The following NEO1 variants were observed in gnomAD, a reference collection of about 807,000 sequenced individuals.
NEO1 encodes neogenin 1, also known as neogenin.
NEO1 carries 63 observed loss-of-function variants against 159.7 expected under a neutral mutation model. The ratio of observed to expected loss-of-function variants is 0.39; its 90% CI spans 0.32 to 0.49. The LOEUF (loss-of-function observed/expected upper bound fraction) is 0.49, where lower values mean the gene tolerates loss of function less well. Ranked by LOEUF, NEO1 falls within the 20% of genes least tolerant of loss-of-function variation. The pLI, the probability that NEO1 is intolerant of heterozygous loss-of-function variation, is 0.85. For missense variants in NEO1, 1,615 were observed against 1,831.0 expected (o/e 0.88, Z 2.15); for synonymous variants, 633 against 662.0 (o/e 0.96, Z 0.67).
chr15:73,055,740 C>T lies in NEO1; in HGVS notation c.130+2935C>T, dbSNP rs182487595. ...TTCTCTAAACATGAACAAACCAGTT[C>T]CTGGCCCCTGTGTCTCATGTTGTTG... On this transcript the variant is annotated intron_variant, in intron 1 of 28. Transcript: ENST00000261908. 5.7e-3 allele frequency among the ~76,000 whole-genome samples: 873 copies of T among 152,260 alleles called. 3 individuals are homozygous for T. The highest frequency in any genetic ancestry group is 5.7e-3 in the Non-Finnish European group (390 of 68,010).
At chr15:73,167,131 G>T (rs187302199) in intron 5 of NEO1, among the ~76,000 whole-genome samples, 132 of 125,370 alleles carry the variant, frequency 1.1e-3, no homozygotes, top group Non-Finnish European at 1.7e-3. Context: ...GTCATGGGGT[G>T]GGGGGAGGGG....
At chr15:73,139,086 A>G (rs879814190) in intron 5 of NEO1, among the ~76,000 whole-genome samples, 16 of 152,212 alleles carry the variant, frequency 1.1e-4, no homozygotes, top group Non-Finnish European at 1.9e-4. Context: ...GGTCCTGGAA[A>G]AACTGGATAG....
rs769328115 is a variant in NEO1 at position 73,266,417 on chromosome 15, G to A, written c.2494+6G>A. On this transcript the variant is annotated splice_donor_region_variant and intron_variant, in intron 16 of 28. Transcript: ENST00000261908. ...TGTGACCAGGCCTCACACAGGTAAG[G>A]TATCCTATCTTTCCTAGTCTCCAGC... 3 of 1,600,422 alleles carry A rather than the reference G, an allele frequency of 1.9e-6. No individual in the cohort carries two copies. The highest frequency in any genetic ancestry group is 1.7e-5 in the Admixed American group (1 of 58,604).
chr15:73,179,477 G>T (rs1156473662), intron 7 of NEO1, among the ~76,000 whole-genome samples: 1 of 152,206 alleles, frequency 6.6e-6, no homozygotes, highest in East Asian at 1.9e-4. Context: ...GAGGCATTCT[G>T]CTACAAAACC....
intron 5 of NEO1, among the ~76,000 whole-genome samples, chr15:73,166,645 G>A (rs2034588152): frequency 6.6e-6 from 1 of 152,200 alleles, no homozygotes; most frequent in Admixed American, 6.5e-5. Flanking sequence ...TTTACAGGTT[G>A]TAGGTAGATT....
chr15:73,102,195 A>G (rs2151515184), intron 1 of NEO1, among the ~76,000 whole-genome samples: 2 of 152,072 alleles, frequency 1.3e-5, no homozygotes, highest in East Asian at 3.9e-4. Flanking sequence ...GTGAAACCCC[A>G]TCTCTACTAA....
intron 7 of NEO1, among the ~76,000 whole-genome samples, chr15:73,228,283 C>G (rs892134760): frequency 3.3e-5 from 5 of 152,160 alleles, no homozygotes; most frequent in African/African-American, 1.2e-4. Flanking sequence ...CTTCTGCCAC[C>G]AGAGTAGTTA....
At chr15:73,191,544 CAG>C (rs1385368511) in intron 7 of NEO1, among the ~76,000 whole-genome samples, 5 of 136,276 alleles carry the variant, frequency 3.7e-5, no homozygotes, top group East Asian at 2.1e-4. Context: ...CATAGAAAGA[CAG>C]AGTATCGATG....
chr15:73,152,753 G>A (rs1178539099), intron 5 of NEO1, among the ~76,000 whole-genome samples: 3 of 152,074 alleles, frequency 2.0e-5, no homozygotes, highest in African/African-American at 7.2e-5. Context: ...TGTTGGAATT[G>A]AATTGGAGAA....
intron 4 of NEO1, 63 bp from the exon 5 acceptor site, chr15:73,135,828 T>G (rs1212964701): frequency 1.9e-5 from 27 of 1,386,234 alleles, no homozygotes; most frequent in Non-Finnish European, 2.3e-5. Flanking sequence ...TGTGGAGAGT[T>G]TTTCAGGTAT....
intron 14 of NEO1, among the ~76,000 whole-genome samples, chr15:73,259,397 TCA>T (rs2150984137): frequency 9.6e-6 from 1 of 103,656 alleles, no homozygotes; most frequent in East Asian, 4.4e-4. Context: ...AAAAGGGATC[TCA>T]CACTGTCACC....
chr15:73,223,980 G>T (rs562986209), intron 7 of NEO1, among the ~76,000 whole-genome samples: 2 of 152,132 alleles, frequency 1.3e-5, no homozygotes, highest in East Asian at 1.9e-4. Flanking sequence ...TAGCGGTCTC[G>T]TAGAGGTGGC....
intron 21 of NEO1, among the ~76,000 whole-genome samples, chr15:73,275,654 C>CA (rs959136020): frequency 4.7e-5 from 7 of 149,088 alleles, no homozygotes; most frequent in Non-Finnish European, 8.9e-5. Flanking sequence ...GACCCTGTCT[C>CA]AAAAAAAAAG....
At chr15:73,224,733 G>A (rs2038479990) in intron 7 of NEO1, among the ~76,000 whole-genome samples, 1 of 151,868 alleles carries the variant, frequency 6.6e-6, no homozygotes, top group Admixed American at 6.6e-5. Context: ...GGATTTCCTT[G>A]CATTGAGCTT....
At chr15:73,271,778 G>A (rs1447634811) in intron 18 of NEO1, among the ~76,000 whole-genome samples, 13 of 151,776 alleles carry the variant, frequency 8.6e-5, no homozygotes, top group Non-Finnish European at 1.6e-4. Context: ...GTGGTGGTGC[G>A]CACCTGTAAT....
At chr15:73,263,303 C>G (rs1395372241) in intron 15 of NEO1, among the ~76,000 whole-genome samples, 2 of 151,424 alleles carry the variant, frequency 1.3e-5, no homozygotes, top group Non-Finnish European at 2.9e-5. Context: ...AAATGATTCT[C>G]CTGCCTCAAC....
chr15:73,087,097 C>A (rs886608843), intron 1 of NEO1, among the ~76,000 whole-genome samples: 6 of 152,050 alleles, frequency 3.9e-5, no homozygotes, highest in Non-Finnish European at 7.4e-5. Context: ...AGGGAGAAAG[C>A]ACTCTGTCTT....
At chr15:73,120,492 A>G (rs1295637091) in intron 2 of NEO1, among the ~76,000 whole-genome samples, 1 of 151,888 alleles carries the variant, frequency 6.6e-6, no homozygotes, top group Admixed American at 6.6e-5. Context: ...AAAACCTGTA[A>G]TCATTTCTCA....
intron 5 of NEO1, among the ~76,000 whole-genome samples, chr15:73,166,750 C>T (rs1200262054): frequency 1.3e-5 from 2 of 152,124 alleles, no homozygotes; most frequent in Admixed American, 6.5e-5. Context: ...GGTGTGACTT[C>T]TCCCAAGTCC....
Sources: gnomAD v4.1 joint callset for allele counts (sites outside exome capture counted in the v4.1 genomes callset) on GRCh38, gnomAD v4.1.1 for gene constraint, MANE v1.5 for transcripts, NCBI Gene and HGNC (gene_info 2026-07-23, HGNC 2026-07-21) for gene names.